CHMP3: variants seen among roughly 807,000 people sequenced by gnomAD.
CHMP3 encodes 25.1 protein.
Under a neutral mutation model 27.4 loss-of-function variants are expected in CHMP3, and 8 were observed. The observed-to-expected ratio is 0.29, with a 90% CI of 0.17 to 0.53. The LOEUF is 0.53. CHMP3 is among the 20% of genes least tolerant of loss of function. The probability of loss-of-function intolerance (pLI) is 0.96; values close to 1 mark genes in which losing one functional copy is unlikely to be tolerated. For synonymous variants in CHMP3, 86 were observed against 85.5 expected (o/e 1.01, Z -0.03); for missense variants, 208 against 271.5 (o/e 0.77, Z 1.64).
intron 1 of CHMP3, among the ~76,000 whole-genome samples, chr2:86,547,954 C>T (rs1017379884): frequency 6.6e-6 from 1 of 152,014 alleles, no homozygotes; most frequent in African/African-American, 2.4e-5. Context: ...CTATTATATG[C>T]GAAACTAGGC....
At chr2:86,532,005 G>C (rs1402393640) in intron 2 of CHMP3, among the ~76,000 whole-genome samples, 1 of 152,154 alleles carries the variant, frequency 6.6e-6, no homozygotes, top group Non-Finnish European at 1.5e-5. Context: ...TTGGGATTTT[G>C]ATAAGGATTG....
chr2:86,538,854 C>T (rs1676246553), intron 2 of CHMP3, among the ~76,000 whole-genome samples: 1 of 152,116 alleles, frequency 6.6e-6, no homozygotes, highest in Admixed American at 6.5e-5. Context: ...TTTTCTTTAA[C>T]TTGTTATTTA....
At chr2:86,531,746 G>A (rs1675930309) in intron 2 of CHMP3, among the ~76,000 whole-genome samples, 1 of 152,126 alleles carries the variant, frequency 6.6e-6, no homozygotes, top group African/African-American at 2.4e-5. Flanking sequence ...GAATGGTCTT[G>A]CTACCCTTGT....
intron 2 of CHMP3, among the ~76,000 whole-genome samples, chr2:86,530,927 G>A (rs1202474406): frequency 2.0e-5 from 3 of 152,154 alleles, no homozygotes; most frequent in African/African-American, 7.2e-5. Flanking sequence ...AATTAGTGAT[G>A]TTAAACATCT....
At chr2:86,540,443 T>C (rs1054875550) in intron 2 of CHMP3, among the ~76,000 whole-genome samples, 1 of 152,150 alleles carries the variant, frequency 6.6e-6, no homozygotes, top group African/African-American at 2.4e-5. Flanking sequence ...CAAATGTCTT[T>C]CAGGCTTTAG....
chr2:86,556,754 C>G (rs575012328), intron 1 of CHMP3, among the ~76,000 whole-genome samples: 91 of 152,278 alleles, frequency 6.0e-4, no homozygotes, highest in Non-Finnish European at 1.1e-3. Flanking sequence ...ACTCGCAGCG[C>G]CGGCTTGTCA....
chr2:86,545,787 C>T (rs922655636), intron 1 of CHMP3, among the ~76,000 whole-genome samples: 4 of 148,860 alleles, frequency 2.7e-5, no homozygotes, highest in Admixed American at 6.7e-5. Flanking sequence ...CGGGCAGAGG[C>T]GCTCCTCACC....
chr2:86,518,479 AT>A (rs148683844), intron 3 of CHMP3, among the ~76,000 whole-genome samples: 10 of 152,328 alleles, frequency 6.6e-5, no homozygotes, highest in African/African-American at 2.2e-4. Context: ...TTGAAAAAAA[AT>A]AACTTGAAGC....
At chr2:86,526,793 C>A (rs1464296670) in intron 3 of CHMP3, among the ~76,000 whole-genome samples, 1 of 151,912 alleles carries the variant, frequency 6.6e-6, no homozygotes, top group Non-Finnish European at 1.5e-5. Flanking sequence ...TGGTTTTGAA[C>A]TCCTGGCTCA....
At chr2:86,563,199 G>T in intron 1 of CHMP3, 105 bp downstream of exon 1, 1 of 1,371,020 alleles carries the variant, frequency 7.3e-7, no homozygotes. Context: ...ATGGGGGCCG[G>T]GCGGTATCGG....
rs145483472 is a variant in CHMP3, at chr2:86,561,987, T to C, written c.45+1317A>G. ...CTACAATAACAAGAATCTTAGAATA[T>C]ACAGATGTCACAAAATGTGCATCTA... is the stretch of plus-strand genomic sequence containing the variant. On this transcript the variant is annotated intron_variant, in intron 1 of 5. Transcript: ENST00000263856. 5.3e-5 allele frequency: 8 copies of C among 152,346 alleles called. No homozygotes were observed. The East Asian group carries it at 1.5e-3, about 29-fold the overall frequency. 9.4% of individuals were successfully genotyped at this position (152,346 alleles called of 1,614,324 possible).
chr2:86,546,272 G>A (rs1281696926), intron 1 of CHMP3, among the ~76,000 whole-genome samples: 1 of 150,558 alleles, frequency 6.6e-6, no homozygotes. Context: ...GCCGGAGGCA[G>A]GAGAATCATG....
chr2:86,546,302 T>C (rs1376992523), intron 1 of CHMP3, among the ~76,000 whole-genome samples: 1 of 122,064 alleles, frequency 8.2e-6, no homozygotes, highest in African/African-American at 3.2e-5. Flanking sequence ...GGCAGGGAGG[T>C]TGCAGCGAGC....
At chr2:86,507,891 GCTCA>G (rs1162067218) in intron 4 of CHMP3, among the ~76,000 whole-genome samples, 5 of 152,218 alleles carry the variant, frequency 3.3e-5, no homozygotes, top group Admixed American at 2.6e-4. Flanking sequence ...CTGAGAAACA[GCTCA>G]CTGACAGATG....
chr2:86,539,930 T>G (rs1676296768), intron 2 of CHMP3, among the ~76,000 whole-genome samples: 1 of 152,044 alleles, frequency 6.6e-6, no homozygotes, highest in Non-Finnish European at 1.5e-5. Context: ...TGAAAATATC[T>G]TTATTTCACC....
intron 3 of CHMP3, among the ~76,000 whole-genome samples, chr2:86,517,589 A>C (rs1675364317): frequency 7.0e-6 from 1 of 143,824 alleles, no homozygotes; most frequent in Non-Finnish European, 1.5e-5. Context: ...AAAAAAAATT[A>C]GTTTCATAAT....
At chr2:86,555,792 A>T (rs1010999144) in intron 1 of CHMP3, among the ~76,000 whole-genome samples, 2 of 152,160 alleles carry the variant, frequency 1.3e-5, no homozygotes, top group Non-Finnish European at 2.9e-5. Context: ...AATCCCTCTT[A>T]TAAGGATACA....
In CHMP3 at chr2:86,504,306, T is replaced by C. The variant is rs1192713552; in HGVS notation, c.*1498A>G. On this transcript the variant is annotated 3_prime_UTR_variant, in exon 6 of 6. Transcript: ENST00000263856. ...ATTGATTGTAACAAATGTACCACTCTGGTGTGGGATACTGATAGTGGTGGG... is the reference window on the plus strand; with the variant it reads ...ATTGATTGTAACAAATGTACCACTCCGGTGTGGGATACTGATAGTGGTGGG... 4 of 152,138 alleles carry C rather than the reference T, an allele frequency of 2.6e-5. No individual in the cohort carries two copies. Among genetic ancestry groups the C allele is most frequent in the African/African-American group, 9.7e-5 (4 of 41,408 alleles). 9.4% of individuals were successfully genotyped at this position (152,138 alleles called of 1,614,324 possible).
At chr2:86,560,217 A>G (rs1677292067) in intron 1 of CHMP3, among the ~76,000 whole-genome samples, 1 of 152,114 alleles carries the variant, frequency 6.6e-6, no homozygotes, top group South Asian at 2.1e-4. Flanking sequence ...GTGAGCTGAG[A>G]TCGCGCCACT....
Sources: gnomAD v4.1 joint callset for allele counts (sites outside exome capture counted in the v4.1 genomes callset) on GRCh38, gnomAD v4.1.1 for gene constraint, MANE v1.5 for transcripts, NCBI Gene and HGNC (gene_info 2026-07-23, HGNC 2026-07-21) for gene names.